The following DNAH14 variants were observed in gnomAD, a reference collection of about 807,000 sequenced individuals.
DNAH14 encodes dynein axonemal heavy chain 14.
In DNAH14, 478 loss-of-function variants were observed where a neutral mutation model predicts 520.9. The observed-to-expected ratio is 0.92, with a 90% confidence interval of 0.85 to 0.99. The LOEUF (loss-of-function observed/expected upper bound fraction) is 0.99. DNAH14 is among the 50% of genes least tolerant of loss of function. DNAH14 has a pLI of 0.00. For synonymous variants in DNAH14, 1,581 were observed against 1,757.2 expected (o/e 0.90, Z 2.51); for missense variants, 4,831 against 5,234.5 (o/e 0.92, Z 2.38).
At chr1:224,979,065 T>C (rs2062067976) in intron 8 of DNAH14, among the ~76,000 whole-genome samples, 1 of 152,152 alleles carries the variant, frequency 6.6e-6, no homozygotes, top group African/African-American at 2.4e-5. Flanking sequence ...CACAATTATT[T>C]GGATTAGGGG....
intron 23 of DNAH14, among the ~76,000 whole-genome samples, chr1:225,115,641 A>C (rs375484356): frequency 1.1e-4 from 16 of 152,172 alleles, no homozygotes; most frequent in African/African-American, 3.9e-4. Context: ...ACTCTGGAGC[A>C]AGCATAAGGG....
intron 1 of DNAH14, among the ~76,000 whole-genome samples, chr1:224,941,165 T>A (rs1409046114): frequency 6.6e-6 from 1 of 152,186 alleles, no homozygotes. Context: ...TTTCTCCACA[T>A]CCTCTCCAGC....
Position 225,308,306 on chromosome 1 carries a change from A to G in DNAH14, c.9136A>G (p.Lys3046Glu). 6.5e-7 allele frequency: 1 copy of G among 1,539,184 alleles called. No individual in the cohort carries two copies. Residue 3046 changes from lysine to glutamate, a missense_variant, in exon 60 of 86, where the codon AAA (lysine) becomes GAA (glutamate). Transcript: ENST00000682510. ...KTKETETLME[K>E]LRKDSQVVEK... ...TTAGGAAACAGAAACTCTAATGGAA[A>G]AACTACGGAAAGATTCACAAGTAGT...
intron 23 of DNAH14, among the ~76,000 whole-genome samples, chr1:225,116,209 G>A (rs75509747): frequency 0.053 from 8,019 of 152,250 alleles, 323 homozygotes; most frequent in Non-Finnish European, 0.078. Context: ...CTCCAGTCAG[G>A]CAGAGGACAG....
intron 60 of DNAH14, among the ~76,000 whole-genome samples, chr1:225,314,887 A>C (rs1233171909): frequency 6.6e-6 from 1 of 151,884 alleles, no homozygotes; most frequent in Non-Finnish European, 1.5e-5. Context: ...CTTCATTTCA[A>C]CCTTGGTGAA....
Position 224,997,428 on chromosome 1 carries a change from GTTTT to G in DNAH14, c.831-5349_831-5346del, listed in dbSNP as rs35341220. 3.9e-3 allele frequency among the ~76,000 whole-genome samples: 586 copies of G among 150,126 alleles called. 4 individuals carry two copies. Among genetic ancestry groups the G allele is most frequent in the African/African-American group, 0.013 (535 of 41,152 alleles). ...AATTTCTCTTATCCTTCAAAGGCAG[GTTTT>G]TTTTTGTTTGTTTGTTTGTTTGTTT... is the stretch of plus-strand genomic sequence containing the variant. On this transcript the variant is annotated intron_variant, in intron 8 of 85. Transcript: ENST00000682510.
chr1:225,104,615 A>G (rs2075845807), intron 23 of DNAH14, among the ~76,000 whole-genome samples: 1 of 151,936 alleles, frequency 6.6e-6, no homozygotes, highest in African/African-American at 2.4e-5. Flanking sequence ...TAGTCTTGGG[A>G]GGGTGTATGT....
At position 224,968,755 on chromosome 1, in the gene DNAH14, G is replaced by A. The variant is rs16858926; in HGVS notation, c.652-4G>A. The A allele has an allele frequency of 0.099, 138,260 of 1,395,720 alleles. 8,186 individuals are homozygous for A. The highest frequency in any genetic ancestry group is 0.29 in the East Asian group (10,339 of 35,130). 86.5% of individuals were successfully genotyped at this position (1,395,720 alleles called of 1,614,324 possible). On this transcript the variant is annotated splice_polypyrimidine_tract_variant and splice_region_variant and intron_variant, in intron 6 of 85. Coordinates refer to ENST00000682510, the MANE Select transcript of DNAH14 (RefSeq NM_001367479.1). ...AAATAATGCTTTTGTGCTTTATTTT[G>A]TAGGTTATTAATATAGTTGGTAGTG...
chr1:225,164,196 T>TTTA lies in DNAH14; in HGVS notation c.5446-3742_5446-3740dup, dbSNP rs1392473755. Among the ~76,000 whole-genome samples the TTTA allele has an allele frequency of 5.3e-5, 8 of 152,262 alleles. No individual in the cohort carries two copies. The East Asian group carries it at 1.5e-3, about 29-fold the overall frequency. On this transcript the variant is annotated intron_variant, in intron 35 of 85. Transcript: ENST00000682510. ...TGTCAGTTGTTGTTGTTGTATATAC[T>TTTA]TTAAAGTTGTAAGTTATATATGTAT...
intron 18 of DNAH14, 39 bp from the exon 19 acceptor site, chr1:225,080,340 T>C: frequency 6.7e-7 from 1 of 1,484,028 alleles, no homozygotes; most frequent in Non-Finnish European, 9.0e-7. Flanking sequence ...GTTCTAGACA[T>C]ACTGATTTCT....
chr1:225,263,442 A>G (rs2093008826), intron 46 of DNAH14, among the ~76,000 whole-genome samples: 1 of 151,486 alleles, frequency 6.6e-6, no homozygotes, highest in South Asian at 2.1e-4. Flanking sequence ...TCACCAATCT[A>G]TCTCTTATAG....
intron 37 of DNAH14, among the ~76,000 whole-genome samples, chr1:225,186,058 T>G (rs2149320394): frequency 6.6e-6 from 1 of 151,142 alleles, no homozygotes; most frequent in African/African-American, 2.4e-5. Flanking sequence ...TAATGTTAAC[T>G]TGTCTTTGAA....
rs1313123189 is a variant in DNAH14, at chr1:225,266,755, A to T, written c.7525A>T (p.Lys2509Ter). The T allele has an allele frequency of 8.6e-6, 13 of 1,512,692 alleles. No homozygotes were observed. Among genetic ancestry groups the T allele is most frequent in the Non-Finnish European group, 1.1e-5 (13 of 1,135,190 alleles). The allele number at this position is 1,512,692 out of a possible 1,614,324, so 93.7% of individuals were successfully genotyped here. Residue 2509 changes from lysine (K) to a stop codon, truncating the protein, a stop_gained, in exon 49 of 86, where the codon AAA becomes TAA. Coordinates refer to ENST00000682510, the MANE Select transcript of DNAH14 (RefSeq NM_001367479.1). LOFTEE classifies it high-confidence loss of function. The part of the protein sequence containing the change: ...LDLGGVYDTE[K>*]NTWKNIQDLS... ...TTTGGGAGGAGTTTATGATACTGAA[A>T]AAAATACATGGAAGGTACAGTATAT... is the stretch of plus-strand genomic sequence containing the variant.
chr1:225,139,923 T>C (rs1205677247), intron 27 of DNAH14, among the ~76,000 whole-genome samples: 1 of 152,228 alleles, frequency 6.6e-6, no homozygotes, highest in African/African-American at 2.4e-5. Context: ...CTGCTCATCA[T>C]GAGCTTGCAA....
intron 73 of DNAH14, chr1:225,357,939 T>C (rs1165970310): frequency 1.5e-6 from 1 of 682,294 alleles, no homozygotes; most frequent in East Asian, 2.7e-5. Flanking sequence ...TGATTTCCAG[T>C]ATACCCTGAA....
intron 55 of DNAH14, among the ~76,000 whole-genome samples, chr1:225,294,875 A>AT (rs1402012344): frequency 2.0e-5 from 3 of 150,754 alleles, no homozygotes; most frequent in South Asian, 2.1e-4. Flanking sequence ...CCAGTAGTGG[A>AT]TTTTTTGTTG....
intron 41 of DNAH14, among the ~76,000 whole-genome samples, chr1:225,215,424 T>C (rs895157499): frequency 2.6e-5 from 4 of 152,198 alleles, no homozygotes; most frequent in African/African-American, 9.7e-5. Flanking sequence ...CTATGAGGCC[T>C]GCTTGGTGCA....
chr1:225,105,352 T>C (rs1367968079), intron 23 of DNAH14, among the ~76,000 whole-genome samples: 1 of 152,284 alleles, frequency 6.6e-6, no homozygotes, highest in Non-Finnish European at 1.5e-5. Flanking sequence ...CTGAGAAGAA[T>C]GTATATTCTG....
At chr1:225,308,736 G>A (rs746069842) in intron 60 of DNAH14, among the ~76,000 whole-genome samples, 13 of 152,220 alleles carry the variant, frequency 8.5e-5, no homozygotes, top group South Asian at 2.1e-4. Flanking sequence ...TGCAAGAAAC[G>A]AGGCAGCTCA....
Sources: gnomAD v4.1 joint callset for allele counts (sites outside exome capture counted in the v4.1 genomes callset) on GRCh38, gnomAD v4.1.1 for gene constraint, MANE v1.5 for transcripts, NCBI Gene and HGNC (gene_info 2026-07-23, HGNC 2026-07-21) for gene names.